PVT1: variants seen among roughly 807,000 people sequenced by gnomAD.
The protein encoded by PVT1 is Pvt1 oncogene, also known as CXCR4/PVT1 fusion.
chr8:128,020,367 T>G (rs1452275920), intron 4 of PVT1, among the ~76,000 whole-genome samples: 1 of 152,194 alleles, frequency 6.6e-6, no homozygotes, highest in East Asian at 1.9e-4. Context: ...CACGGGCCCT[T>G]AAAGGCAGAG....
In PVT1 at chr8:128,018,213, G is replaced by T. The variant is rs77131822; in HGVS notation, n.912+28922G>T. ...GGGGAAAAGGGACAGGATGCAAATT[G>T]TTCAAATGGCATGATGATATTATAA... On this transcript the variant is annotated intron_variant and non_coding_transcript_variant, in intron 4 of 10. Coordinates refer to ENST00000651587, the Ensembl canonical transcript of PVT1. Among the ~76,000 whole-genome samples the T allele has an allele frequency of 8.4e-3, 1,279 of 152,286 alleles. 20 individuals are homozygous for T. Among genetic ancestry groups the T allele is most frequent in the African/African-American group, 0.029 (1,214 of 41,538 alleles).
chr8:128,038,509 G>A (rs551267354), intron 4 of PVT1, among the ~76,000 whole-genome samples: 1 of 152,282 alleles, frequency 6.6e-6, no homozygotes, highest in East Asian at 1.9e-4. Context: ...AGGGAGGTGC[G>A]GCACGTGAAT....
At chr8:127,897,972 A>G (rs1815707431) in intron 3 of PVT1, among the ~76,000 whole-genome samples, 1 of 150,988 alleles carries the variant, frequency 6.6e-6, no homozygotes, top group African/African-American at 2.4e-5. Context: ...AGAAGGAAGG[A>G]AGGAAGAAAG....
At chr8:128,091,237 C>T (rs1814347170) in intron 5 of PVT1, among the ~76,000 whole-genome samples, 2 of 152,172 alleles carry the variant, frequency 1.3e-5, no homozygotes, top group South Asian at 4.1e-4. Context: ...TTTGTTTCTC[C>T]TGTCCCAAGG....
chr8:128,057,745 C>T (rs748798076), intron 4 of PVT1, among the ~76,000 whole-genome samples: 8 of 152,156 alleles, frequency 5.3e-5, no homozygotes, highest in East Asian at 1.9e-4. Context: ...GAACGAGGTT[C>T]GGATCTCGGC....
intron 3 of PVT1, chr8:127,932,668 C>G: frequency 2.5e-6 from 1 of 396,654 alleles, no homozygotes; most frequent in Non-Finnish European, 4.4e-6. Context: ...CCCCTTCTTT[C>G]TTTGCTAATA....
chr8:128,051,270 A>C (rs1413115065), intron 4 of PVT1, among the ~76,000 whole-genome samples: 1 of 152,232 alleles, frequency 6.6e-6, no homozygotes, highest in Non-Finnish European at 1.5e-5. Flanking sequence ...CCTGGATTGC[A>C]TAAGACATAG....
intron 4 of PVT1, among the ~76,000 whole-genome samples, chr8:128,010,902 G>T (rs941264284): frequency 5.9e-5 from 9 of 152,186 alleles, no homozygotes; most frequent in Non-Finnish European, 8.8e-5. Context: ...TGTGATTTCT[G>T]CAGCATGGTC....
At chr8:128,011,398 C>T (rs1817313357) in intron 4 of PVT1, among the ~76,000 whole-genome samples, 1 of 152,046 alleles carries the variant, frequency 6.6e-6, no homozygotes, top group African/African-American at 2.4e-5. Context: ...GAGGGTGGGG[C>T]TCTCGTGATG....
intron 5 of PVT1, among the ~76,000 whole-genome samples, chr8:128,075,471 GTAAATAT>G (rs367722898): frequency 7.9e-5 from 12 of 151,560 alleles, no homozygotes; most frequent in South Asian, 2.1e-4. Flanking sequence ...CTTTTATTAC[GTAAATAT>G]TAAATGATTG....
intron 4 of PVT1, among the ~76,000 whole-genome samples, chr8:127,994,454 G>C (rs532140923): frequency 6.1e-4 from 93 of 152,318 alleles, no homozygotes; most frequent in African/African-American, 2.1e-3. Context: ...GCTATGAGGA[G>C]TTAACAGAGT....
intron 3 of PVT1, among the ~76,000 whole-genome samples, chr8:127,930,065 A>T (rs1816184881): frequency 6.6e-6 from 1 of 152,204 alleles, no homozygotes; most frequent in South Asian, 2.1e-4. Context: ...CTGTAGGGGA[A>T]AAGGATTTGC....
chr8:127,963,420 G>A (rs1400118701), intron 3 of PVT1, among the ~76,000 whole-genome samples: 3 of 152,128 alleles, frequency 2.0e-5, no homozygotes, highest in African/African-American at 4.8e-5. Context: ...TTACACTAGC[G>A]TTGTTATTGG....
At chr8:127,994,339 C>T (rs1433099584) in intron 4 of PVT1, among the ~76,000 whole-genome samples, 2 of 152,180 alleles carry the variant, frequency 1.3e-5, no homozygotes, top group Non-Finnish European at 2.9e-5. Flanking sequence ...TCTCACTGAA[C>T]CCACCTCCCC....
At position 128,041,395 on chromosome 8, in the gene PVT1, GTGT is replaced by G. The variant is rs575262369; in HGVS notation, n.913-28763_913-28761del. ...TGTTTGTGTGCATATGTGTATGTGT[GTGT>G]TTGTGTGCATGTGTGTTTGTGCTCG... On this transcript the variant is annotated intron_variant and non_coding_transcript_variant, in intron 4 of 10. Coordinates refer to ENST00000651587, the Ensembl canonical transcript of PVT1. 7.4e-4 allele frequency among the ~76,000 whole-genome samples: 111 copies of G among 150,142 alleles called. 1 individual carries two copies. In the East Asian group the frequency reaches 0.021, roughly 28 times the overall value.
chr8:128,001,661 C>T (rs1817178387), intron 4 of PVT1, among the ~76,000 whole-genome samples: 1 of 152,184 alleles, frequency 6.6e-6, no homozygotes, highest in Non-Finnish European at 1.5e-5. Flanking sequence ...CCATGTTCAT[C>T]CATGTGGGCT....
At chr8:127,817,184 A>G (rs2129672129) in intron 2 of PVT1, among the ~76,000 whole-genome samples, 1 of 152,022 alleles carries the variant, frequency 6.6e-6, no homozygotes, top group East Asian at 1.9e-4. Context: ...CACCTTCAGC[A>G]ATCATCTCAA....
chr8:127,816,739 G>A (rs896509785), intron 2 of PVT1, among the ~76,000 whole-genome samples: 5 of 152,152 alleles, frequency 3.3e-5, no homozygotes, highest in African/African-American at 1.2e-4. Context: ...GGCCAGGCTG[G>A]TCTTGAACAC....
At chr8:127,932,591 C>T (rs1816221160) in intron 3 of PVT1, 1 of 398,596 alleles carries the variant, frequency 2.5e-6, no homozygotes, top group Non-Finnish European at 4.4e-6. Flanking sequence ...TCCCATTGAA[C>T]TCTGTGCAGA....
Sources: gnomAD v4.1 joint callset for allele counts (sites outside exome capture counted in the v4.1 genomes callset) on GRCh38, gnomAD v4.1.1 for gene constraint, MANE v1.5 for transcripts, NCBI Gene and HGNC (gene_info 2026-07-23, HGNC 2026-07-21) for gene names.